Variants in CCDC186 observed in about 807,000 individuals in gnomAD.
The protein encoded by CCDC186 is coiled-coil domain containing 186.
A neutral mutation model predicts 113.7 loss-of-function variants in CCDC186; 49 were observed. The observed-to-expected ratio is 0.43, with a 90% CI of 0.34 to 0.55. The LOEUF (loss-of-function observed/expected upper bound fraction) is 0.55. Among genes scored for constraint, CCDC186 ranks in the 20% least tolerant of loss-of-function variants. The pLI is 0.02. For missense variants in CCDC186, 890 were observed against 1,011.1 expected (o/e 0.88, Z 1.62); for synonymous variants, 355 against 345.8 (o/e 1.03, Z -0.30).
At chr10:114,161,716 G>C (rs986312140) in intron 2 of CCDC186, 21 of 152,286 alleles carry the variant, frequency 1.4e-4, no homozygotes, top group Middle Eastern at 3.4e-3. Context: ...GGGCCTTGGA[G>C]TCTTGAAGAG....
chr10:114,154,018 T>C (rs867170394), intron 3 of CCDC186, among the ~76,000 whole-genome samples: 1 of 151,268 alleles, frequency 6.6e-6, no homozygotes, highest in South Asian at 2.1e-4. Context: ...GAGACGAGCC[T>C]GGGAAACATA....
chr10:114,162,520 C>A, intron 2 of CCDC186, 117 bp downstream of exon 2: 2 of 735,876 alleles, frequency 2.7e-6, no homozygotes, highest in Admixed American at 6.8e-5. Context: ...CTACTATGTG[C>A]ATGATTCTAA....
Position 114,145,794 on chromosome 10 carries a change from AAAT to A in CCDC186, c.889-36_889-34del, listed in dbSNP as rs566294977. The A allele has an allele frequency of 1.4e-4, 208 of 1,526,142 alleles. No homozygotes were observed. The African/African-American group carries it at 2.8e-3, about 20-fold the overall frequency. The allele number at this position is 1,526,142 out of a possible 1,614,324, so 94.5% of individuals were successfully genotyped here. On this transcript the variant is annotated intron_variant, in intron 4 of 15. Transcript: ENST00000369287. The stretch of plus-strand genomic sequence containing the variant: ...AAAAATATTACTTAGCATTAATGAA[AAAT>A]AATGTTTCAAATGGAAATGTATTGA...
rs980819561 is a variant in CCDC186 at position 114,124,926 on chromosome 10, T to C, written c.*217A>G. On this transcript the variant is annotated 3_prime_UTR_variant, in exon 16 of 16. Transcript: ENST00000369287. ...TTAGATTCAATGACAGGCTGTCATA[T>C]TGCACCATACAAAAACAAATTTCAT... 8 of 412,006 alleles carry C rather than the reference T, an allele frequency of 1.9e-5. No homozygotes were observed. In the South Asian group the frequency reaches 3.3e-4, roughly 17 times the overall value. The allele number at this position is 412,006 out of a possible 1,614,324, so 25.5% of individuals were successfully genotyped here. A position where few individuals can be genotyped will look rare whatever the true frequency, so the allele number is the denominator to read the frequency against.
At chr10:114,170,454 G>T (rs2032459006) in intron 1 of CCDC186, among the ~76,000 whole-genome samples, 1 of 152,000 alleles carries the variant, frequency 6.6e-6, no homozygotes, top group African/African-American at 2.4e-5. Flanking sequence ...CTAAGAAGCT[G>T]GGACTACAGG....
Position 114,144,569 on chromosome 10 carries a change from T to C in CCDC186, c.1149A>G (p.Glu383=), listed in dbSNP as rs1407021361. 3.1e-6 allele frequency: 5 copies of C among 1,612,856 alleles called. No individual in the cohort carries two copies. Among genetic ancestry groups the C allele is most frequent in the Admixed American group, 1.7e-5 (1 of 59,986 alleles). The part of the protein sequence containing the change: ...RLIREIDKLK[E]DINSHVIKVK... ...CTTTGATGACGTGAGAGTTAATGTC[T>C]TCCTTTAATTTGTCTATTTCTCTGA... Residue 383 remains glutamate (E), a synonymous_variant, in exon 6 of 16, where the codon GAA becomes GAG. Transcript: ENST00000369287.
chr10:114,158,806 A>G (rs2032083241), intron 2 of CCDC186, among the ~76,000 whole-genome samples: 1 of 152,230 alleles, frequency 6.6e-6, no homozygotes, highest in East Asian at 1.9e-4. Flanking sequence ...TTTTGGATCC[A>G]GGTATACTTC....
At chr10:114,167,081 C>T (rs998411202) in intron 1 of CCDC186, among the ~76,000 whole-genome samples, 3 of 145,218 alleles carry the variant, frequency 2.1e-5, no homozygotes, top group Non-Finnish European at 3.0e-5. Flanking sequence ...AGTGCAATGG[C>T]GCGATCTCGG....
intron 1 of CCDC186, among the ~76,000 whole-genome samples, chr10:114,167,999 C>T (rs1201764112): frequency 6.6e-6 from 1 of 151,698 alleles, no homozygotes; most frequent in Non-Finnish European, 1.5e-5. Flanking sequence ...AAAAGAAATG[C>T]TTGTACAAAG....
intron 2 of CCDC186, among the ~76,000 whole-genome samples, chr10:114,158,455 G>C (rs942823858): frequency 1.3e-5 from 2 of 151,896 alleles, no homozygotes; most frequent in Non-Finnish European, 2.9e-5. Flanking sequence ...TTGCACACTT[G>C]CTATTGGCTA....
intron 2 of CCDC186, among the ~76,000 whole-genome samples, chr10:114,160,748 A>G (rs1212097934): frequency 6.6e-6 from 1 of 152,240 alleles, no homozygotes; most frequent in African/African-American, 2.4e-5. Flanking sequence ...AAAGAAAGTA[A>G]AAGGAAGTTT....
In CCDC186 at chr10:114,141,261, C is replaced by T. The variant is rs138898019; in HGVS notation, c.1221+3236G>A. 2.6e-3 allele frequency among the ~76,000 whole-genome samples: 389 copies of T among 152,224 alleles called. 5 individuals are homozygous for T. The highest frequency in any genetic ancestry group is 8.9e-3 in the African/African-American group (369 of 41,546). On this transcript the variant is annotated intron_variant, in intron 6 of 15. Transcript: ENST00000369287. ...CTCCATTTTCCTGCCTCTTTGCATG[C>T]CTGGTAATTTTTGACTGGATGCCAA...
At chr10:114,139,347 G>A (rs924623416) in intron 6 of CCDC186, among the ~76,000 whole-genome samples, 1 of 151,942 alleles carries the variant, frequency 6.6e-6, no homozygotes, top group Non-Finnish European at 1.5e-5. Flanking sequence ...TGGATCACCT[G>A]AGGTCAGGAG....
At chr10:114,131,619 ACT>A (rs1168223173) in intron 11 of CCDC186, among the ~76,000 whole-genome samples, 1 of 152,202 alleles carries the variant, frequency 6.6e-6, no homozygotes, top group African/African-American at 2.4e-5. Context: ...ACTTGAAGAC[ACT>A]CTCATAAATT....
chr10:114,164,531 A>G (rs2032279251), intron 1 of CCDC186, among the ~76,000 whole-genome samples: 1 of 152,200 alleles, frequency 6.6e-6, no homozygotes, highest in African/African-American at 2.4e-5. Context: ...ATATTTCCAC[A>G]ATCTTGATAA....
At chr10:114,150,735 G>A (rs1330445825) in intron 4 of CCDC186, among the ~76,000 whole-genome samples, 1 of 152,018 alleles carries the variant, frequency 6.6e-6, no homozygotes, top group Non-Finnish European at 1.5e-5. Flanking sequence ...TGCAACCTCC[G>A]CCTCCCGGGT....
chr10:114,171,384 T>C (rs1016496664), intron 1 of CCDC186, among the ~76,000 whole-genome samples: 3 of 151,686 alleles, frequency 2.0e-5, no homozygotes, highest in Admixed American at 2.0e-4. Flanking sequence ...AAAATAATAA[T>C]ATATAATTTT....
At chr10:114,154,168 A>C in intron 3 of CCDC186, among the ~76,000 whole-genome samples, 1 of 150,770 alleles carries the variant, frequency 6.6e-6, no homozygotes, top group African/African-American at 2.4e-5. Flanking sequence ...CCGAGATCGC[A>C]ACATCGCACT....
intron 6 of CCDC186, among the ~76,000 whole-genome samples, chr10:114,137,985 C>T (rs539968077): frequency 1.6e-5 from 2 of 124,178 alleles, no homozygotes; most frequent in East Asian, 2.8e-4. Flanking sequence ...TGCGGTGAGC[C>T]GAAATTGCGC....
Sources: allele counts gnomAD v4.1 joint callset (sites outside exome capture counted in the v4.1 genomes callset), GRCh38; gene constraint gnomAD v4.1.1; transcripts MANE v1.5; gene names NCBI Gene and HGNC (gene_info 2026-07-23, HGNC 2026-07-21).